Variants in NKAIN3 observed in about 807,000 individuals in gnomAD.
NKAIN3 encodes sodium/potassium transporting ATPase interacting 3, also known as sodium/potassium-transporting ATPase subunit beta-1-interacting protein 3.
In NKAIN3, 25 loss-of-function variants were observed where a neutral mutation model predicts 30.2. The ratio of observed to expected loss-of-function variants is 0.83; its 90% confidence interval spans 0.60 to 1.16. The LOEUF (loss-of-function observed/expected upper bound fraction) is 1.16, where lower values mean the gene tolerates loss of function less well. Among genes scored for constraint, NKAIN3 ranks in the 50% most tolerant of loss-of-function variants. The probability of loss-of-function intolerance (pLI) is 0.00; values close to 1 mark genes in which losing one functional copy is unlikely to be tolerated. For missense variants in NKAIN3, 225 were observed against 254.1 expected (o/e 0.89, Z 0.78); for synonymous variants, 91 against 89.6 (o/e 1.02, Z -0.09).
intron 4 of NKAIN3, among the ~76,000 whole-genome samples, chr8:62,879,939 G>A (rs975767351): frequency 4.6e-5 from 7 of 152,024 alleles, no homozygotes; most frequent in African/African-American, 1.7e-4. Flanking sequence ...TCCATATTAG[G>A]CTGCCCTTAG....
chr8:62,597,885 T>C (rs923162242), intron 3 of NKAIN3, among the ~76,000 whole-genome samples: 2 of 151,968 alleles, frequency 1.3e-5, no homozygotes, highest in Non-Finnish European at 2.9e-5. Flanking sequence ...TTTAGTTTTG[T>C]TTTTGTTCAT....
intron 3 of NKAIN3, among the ~76,000 whole-genome samples, chr8:62,606,867 G>C (rs1811146975): frequency 6.6e-6 from 1 of 152,172 alleles, no homozygotes; most frequent in Non-Finnish European, 1.5e-5. Flanking sequence ...TGATTGTGTA[G>C]TGAGCTGTGC....
chr8:62,711,282 C>A (rs1393149412), intron 3 of NKAIN3, among the ~76,000 whole-genome samples: 1 of 152,100 alleles, frequency 6.6e-6, no homozygotes, highest in Non-Finnish European at 1.5e-5. Flanking sequence ...ATGTCTAGGT[C>A]TCTAGAAAGG....
chr8:62,547,699 C>A (rs1186176111), intron 1 of NKAIN3, among the ~76,000 whole-genome samples: 1 of 152,170 alleles, frequency 6.6e-6, no homozygotes, highest in Non-Finnish European at 1.5e-5. Context: ...CAACTTCCAG[C>A]AGCATTTAGA....
chr8:62,672,602 T>A (rs1402436210), intron 3 of NKAIN3, among the ~76,000 whole-genome samples: 1 of 152,164 alleles, frequency 6.6e-6, no homozygotes, highest in Non-Finnish European at 1.5e-5. Context: ...GTCCTCACCT[T>A]GTCTACAAGA....
At chr8:62,947,200 G>T (rs1232747739) in intron 5 of NKAIN3, among the ~76,000 whole-genome samples, 1 of 152,142 alleles carries the variant, frequency 6.6e-6, no homozygotes, top group Admixed American at 6.5e-5. Flanking sequence ...TGATCCTAAA[G>T]ATAATAAGAA....
chr8:62,530,106 G>T lies in NKAIN3; in HGVS notation c.55-49433G>T, dbSNP rs1808442492. 1.3e-5 allele frequency among the ~76,000 whole-genome samples: 2 copies of T among 152,068 alleles called. 1 individual carries two copies. The highest frequency in any genetic ancestry group is 2.9e-5 in the Non-Finnish European group (2 of 68,016). On this transcript the variant is annotated intron_variant, in intron 1 of 6. Transcript: ENST00000623646. ...CTTGTAATTATAATAGAAACAAAGGGGACAACAGTATAAAGTTAGGAGCCA... is the reference window on the plus strand; with the variant it reads ...CTTGTAATTATAATAGAAACAAAGGTGACAACAGTATAAAGTTAGGAGCCA...
chr8:62,759,427 G>T (rs1816568277), intron 4 of NKAIN3, among the ~76,000 whole-genome samples: 1 of 152,134 alleles, frequency 6.6e-6, no homozygotes, highest in Non-Finnish European at 1.5e-5. Flanking sequence ...GAATTATGTA[G>T]CAGTTGCAGA....
chr8:62,344,295 C>T (rs1185495159), intron 1 of NKAIN3, among the ~76,000 whole-genome samples: 1 of 152,020 alleles, frequency 6.6e-6, no homozygotes, highest in Non-Finnish European at 1.5e-5. Flanking sequence ...ATATAATGTA[C>T]ATAAGTGCAT....
chr8:62,305,913 C>T (rs986798847), intron 1 of NKAIN3, among the ~76,000 whole-genome samples: 1 of 150,438 alleles, frequency 6.6e-6, no homozygotes, highest in African/African-American at 2.5e-5. Context: ...GCCATTTCCC[C>T]ATGTGCTAGG....
At chr8:62,463,211 T>A (rs1162270296) in intron 1 of NKAIN3, among the ~76,000 whole-genome samples, 1 of 152,196 alleles carries the variant, frequency 6.6e-6, no homozygotes, top group African/African-American at 2.4e-5. Context: ...AAATGTGCAA[T>A]GAATAATAAG....
intron 1 of NKAIN3, among the ~76,000 whole-genome samples, chr8:62,476,058 G>A (rs1806508866): frequency 6.6e-6 from 1 of 152,166 alleles, no homozygotes; most frequent in South Asian, 2.1e-4. Flanking sequence ...TCCCCCAGAT[G>A]TCAGTAATTA....
intron 3 of NKAIN3, among the ~76,000 whole-genome samples, chr8:62,715,532 A>G (rs1184159578): frequency 6.6e-6 from 1 of 152,182 alleles, no homozygotes; most frequent in East Asian, 1.9e-4. Flanking sequence ...ATATCTCAGT[A>G]CCTCAGTTTC....
intron 6 of NKAIN3, among the ~76,000 whole-genome samples, chr8:62,961,577 G>C (rs1823570347): frequency 6.6e-6 from 1 of 151,956 alleles, no homozygotes; most frequent in African/African-American, 2.4e-5. Flanking sequence ...TGGTTTGCTT[G>C]GTTTTAAAAC....
chr8:62,806,511 G>A (rs1312545532), intron 4 of NKAIN3, among the ~76,000 whole-genome samples: 2 of 152,072 alleles, frequency 1.3e-5, no homozygotes, highest in African/African-American at 4.8e-5. Flanking sequence ...GTAGGGACAT[G>A]GATGAAATTG....
intron 1 of NKAIN3, among the ~76,000 whole-genome samples, chr8:62,453,749 C>T (rs573566272): frequency 5.9e-5 from 9 of 152,178 alleles, no homozygotes; most frequent in Non-Finnish European, 1.0e-4. Flanking sequence ...TTATAAGCAC[C>T]GATATGCGCA....
chr8:62,909,295 A>G (rs1249432504), intron 4 of NKAIN3, among the ~76,000 whole-genome samples: 1 of 152,210 alleles, frequency 6.6e-6, no homozygotes, highest in African/African-American at 2.4e-5. Flanking sequence ...TGTCATTTGC[A>G]TTAATTAAAT....
chr8:62,336,752 C>T (rs1815565409), intron 1 of NKAIN3, among the ~76,000 whole-genome samples: 1 of 152,012 alleles, frequency 6.6e-6, no homozygotes, highest in South Asian at 2.1e-4. Context: ...ACAGCCTGAG[C>T]TTGACTGAGA....
intron 1 of NKAIN3, among the ~76,000 whole-genome samples, chr8:62,321,755 C>A (rs1441551758): frequency 3.3e-5 from 5 of 152,162 alleles, no homozygotes; most frequent in Non-Finnish European, 2.9e-5. Flanking sequence ...GGGTGCCTCC[C>A]AGTTAGGCTA....
Sources: gnomAD v4.1 joint callset for allele counts (sites outside exome capture counted in the v4.1 genomes callset) on GRCh38, gnomAD v4.1.1 for gene constraint, MANE v1.5 for transcripts, NCBI Gene and HGNC (gene_info 2026-07-23, HGNC 2026-07-21) for gene names.